SLC15A1: variants seen among roughly 807,000 people sequenced by gnomAD.
SLC15A1 encodes Caco-2 oligopeptide transporter.
A neutral mutation model predicts 92.9 loss-of-function variants in SLC15A1; 83 were observed. The ratio of observed to expected loss-of-function variants is 0.89; its 90% CI spans 0.75 to 1.07. The LOEUF is 1.07. Among genes scored for constraint, SLC15A1 ranks in the 50% least tolerant of loss-of-function variants. The probability of loss-of-function intolerance (pLI) is 0.00; values close to 1 mark genes in which losing one functional copy is unlikely to be tolerated. For synonymous variants in SLC15A1, 322 were observed against 318.2 expected, an observed-to-expected ratio of 1.01 and a Z score of -0.13; for missense variants, 857 against 880.1, an observed-to-expected ratio of 0.97 and a Z score of 0.33.
intron 9 of SLC15A1, among the ~76,000 whole-genome samples, chr13:98,714,828 T>C (rs1184625365): frequency 6.6e-6 from 1 of 151,974 alleles, no homozygotes. Context: ...ATACAACATA[T>C]ACAGTATGTT....
chr13:98,736,262 T>C lies in SLC15A1; in HGVS notation c.5-9403A>G, dbSNP rs2088393058. Among the ~76,000 whole-genome samples, 3 of 152,306 alleles carry C rather than the reference T, an allele frequency of 2.0e-5. No individual in the cohort carries two copies. The South Asian group carries it at 6.2e-4, about 32-fold the overall frequency. ...GGGAAAGGATTCCCTATTTAATAAG[T>C]GGTGCTGGGAAAACTGGCTAGCCAT... On this transcript the variant is annotated intron_variant, in intron 1 of 22. Coordinates refer to ENST00000376503, the MANE Select transcript of SLC15A1 (RefSeq NM_005073.4).
In SLC15A1 at chr13:98,715,886, A is replaced by G; in HGVS notation, c.715T>C (p.Cys239Arg). The G allele has an allele frequency of 6.2e-7, 1 of 1,614,102 alleles. No homozygotes were observed. Among genetic ancestry groups the G allele is most frequent in the Non-Finnish European group, 8.5e-7 (1 of 1,179,926 alleles). The change falls in exon 9 of 23, where the codon TGC (cysteine) becomes CGC (arginine). Residue 239 changes from cysteine (C) to arginine (R), a missense_variant. Coordinates refer to ENST00000376503, the MANE Select transcript of SLC15A1 (RefSeq NM_005073.4). Reference protein sequence around the residue: ...QGNIMGKVAKCIGFAIKNRFR... With the variant: ...QGNIMGKVAKRIGFAIKNRFR... ...GCAGCTGAGATACTTACACCGATGC[A>G]CTTGGCCACTTTACCCATGATGTTG... is the stretch of plus-strand genomic sequence containing the variant.
chr13:98,716,748 T>G (rs2088214342), intron 8 of SLC15A1, among the ~76,000 whole-genome samples: 1 of 152,214 alleles, frequency 6.6e-6, no homozygotes, highest in Non-Finnish European at 1.5e-5. Context: ...GGCAGAAATT[T>G]TTTCTGTGGT....
At position 98,709,856 on chromosome 13, in the gene SLC15A1, G is replaced by A. The variant is rs780549708; in HGVS notation, c.945+11C>T. ...GGGACAAAGAAACTAAAACAAAGGA[G>A]TCAAACTTACGATTTTCCCGGACAT... On this transcript the variant is annotated intron_variant, in intron 12 of 22. Transcript: ENST00000376503. The A allele has an allele frequency of 6.2e-7, 1 of 1,614,142 alleles. No homozygotes were observed. Among genetic ancestry groups the A allele is most frequent in the Admixed American group, 1.7e-5 (1 of 60,020 alleles).
chr13:98,705,034 A>G (rs6491440), intron 16 of SLC15A1, among the ~76,000 whole-genome samples: 10,008 of 151,976 alleles, frequency 0.066, 474 homozygotes, highest in East Asian at 0.19. Context: ...TCCTGGCTCT[A>G]TTAAAAATAC....
At chr13:98,729,009 A>AAAAAAAAAAAAG (rs2088326489) in intron 1 of SLC15A1, among the ~76,000 whole-genome samples, 1 of 136,818 alleles carries the variant, frequency 7.3e-6, no homozygotes, top group Non-Finnish European at 1.6e-5. Context: ...AAAAAAAACA[A>AAAAAAAAAAAAG]CAAGCCCCAA....
chr13:98,719,925 C>T (rs112068342), intron 7 of SLC15A1, among the ~76,000 whole-genome samples: 4,917 of 152,064 alleles, frequency 0.032, 142 homozygotes, highest in African/African-American at 0.072. Context: ...GACCAACAGC[C>T]ATTTTAGCTT....
At chr13:98,688,433 T>C in intron 19 of SLC15A1, 37 bp downstream of exon 19, 1 of 1,607,340 alleles carries the variant, frequency 6.2e-7, no homozygotes, top group Non-Finnish European at 8.5e-7. Context: ...GAAAAATTCT[T>C]GAACCTTTGA....
At chr13:98,708,580 A>G in intron 15 of SLC15A1, 106 bp downstream of exon 15, 1 of 919,682 alleles carries the variant, frequency 1.1e-6, no homozygotes, top group Non-Finnish European at 1.6e-6. Context: ...TTTACAGAGA[A>G]AGACCTTGGC....
chr13:98,716,709 G>T (rs2088213998), intron 8 of SLC15A1, among the ~76,000 whole-genome samples: 1 of 152,020 alleles, frequency 6.6e-6, no homozygotes, highest in South Asian at 2.1e-4. Context: ...TTAATATTCA[G>T]GAAAAAAGAA....
chr13:98,715,999 G>A, intron 8 of SLC15A1, 39 bp from the exon 9 acceptor site: 7 of 1,557,900 alleles, frequency 4.5e-6, no homozygotes, highest in Non-Finnish European at 6.2e-6. Context: ...CAAAGCATGT[G>A]ACCGAGCGCC....
intron 18 of SLC15A1, among the ~76,000 whole-genome samples, chr13:98,690,847 C>T (rs1210402051): frequency 6.6e-6 from 1 of 152,092 alleles, no homozygotes; most frequent in Admixed American, 6.6e-5. Context: ...ATTTGCACAT[C>T]TAAACATGTC....
intron 1 of SLC15A1, among the ~76,000 whole-genome samples, chr13:98,738,559 G>A (rs1240125829): frequency 1.3e-5 from 2 of 152,276 alleles, no homozygotes; most frequent in Non-Finnish European, 2.9e-5. Flanking sequence ...ATACAGCCCA[G>A]GCTGCTGCTT....
At chr13:98,722,632 G>T (rs2088269654) in intron 5 of SLC15A1, among the ~76,000 whole-genome samples, 1 of 152,216 alleles carries the variant, frequency 6.6e-6, no homozygotes, top group African/African-American at 2.4e-5. Flanking sequence ...AATTTTATGA[G>T]ACAGATAAAG....
At chr13:98,736,576 G>A (rs2088396108) in intron 1 of SLC15A1, among the ~76,000 whole-genome samples, 1 of 152,050 alleles carries the variant, frequency 6.6e-6, no homozygotes, top group Non-Finnish European at 1.5e-5. Context: ...GGGAGAAAAT[G>A]TTTGCAATCT....
chr13:98,692,918 T>C (rs1347352189), intron 18 of SLC15A1, among the ~76,000 whole-genome samples: 1 of 151,658 alleles, frequency 6.6e-6, no homozygotes, highest in Non-Finnish European at 1.5e-5. Context: ...TTGTCTTTTT[T>C]TGTAGGGACA....
At chr13:98,736,530 A>G (rs1416872803) in intron 1 of SLC15A1, among the ~76,000 whole-genome samples, 1 of 152,260 alleles carries the variant, frequency 6.6e-6, no homozygotes, top group African/African-American at 2.4e-5. Context: ...ACAGCAAAAG[A>G]AACTGCCATC....
At chr13:98,726,588 T>C (rs919493085) in intron 2 of SLC15A1, 139 bp from the exon 3 acceptor site, 7 of 814,172 alleles carry the variant, frequency 8.6e-6, no homozygotes, top group African/African-American at 8.5e-5. Flanking sequence ...GAAACTAGCA[T>C]TTAATCATTT....
At chr13:98,725,152 C>T (rs2088288666) in intron 4 of SLC15A1, among the ~76,000 whole-genome samples, 5 of 152,228 alleles carry the variant, frequency 3.3e-5, no homozygotes, top group Admixed American at 3.3e-4. Context: ...TCACCTTCCT[C>T]CATGAATGGA....
Sources: allele counts gnomAD v4.1 joint callset (sites outside exome capture counted in the v4.1 genomes callset), GRCh38; gene constraint gnomAD v4.1.1; transcripts MANE v1.5; gene names NCBI Gene and HGNC (gene_info 2026-07-23, HGNC 2026-07-21).